The following MDGA2 variants were observed in gnomAD, a reference collection of about 807,000 sequenced individuals.
The protein encoded by MDGA2 is MAM domain containing glycosylphosphatidylinositol anchor 2, also known as MAM domain-containing glycosylphosphatidylinositol anchor protein 2.
MDGA2 carries 40 observed loss-of-function variants against 117.8 expected under a neutral mutation model. The ratio of observed to expected loss-of-function variants is 0.34; its 90% confidence interval spans 0.26 to 0.44. MDGA2 has a LOEUF of 0.44. Among genes scored for constraint, MDGA2 ranks in the 20% least tolerant of loss-of-function variants. The pLI, the probability that MDGA2 is intolerant of heterozygous loss-of-function variation, is 1.00. For missense variants in MDGA2, 1,123 were observed against 1,250.6 expected, an observed-to-expected ratio of 0.90 and a Z score of 1.54; for synonymous variants, 452 against 439.0, an observed-to-expected ratio of 1.03 and a Z score of -0.37.
At chr14:47,078,440 T>TA (rs971482379) in intron 6 of MDGA2, among the ~76,000 whole-genome samples, 3 of 152,010 alleles carry the variant, frequency 2.0e-5, no homozygotes, top group African/African-American at 7.2e-5. Context: ...CAGCCTCCCA[T>TA]AAAAAACATG....
intron 7 of MDGA2, among the ~76,000 whole-genome samples, chr14:47,057,351 T>C (rs1228967896): frequency 6.7e-6 from 1 of 149,192 alleles, no homozygotes; most frequent in Admixed American, 6.6e-5. Context: ...TAATCTGTCT[T>C]GATGATTTAG....
At chr14:47,322,627 C>G (rs535451895) in intron 1 of MDGA2, among the ~76,000 whole-genome samples, 1 of 152,192 alleles carries the variant, frequency 6.6e-6, no homozygotes, top group Non-Finnish European at 1.5e-5. Context: ...GCAACCTGCA[C>G]GTAAGTAACG....
chr14:47,472,048 T>C (rs774942953), intron 1 of MDGA2, among the ~76,000 whole-genome samples: 6 of 152,160 alleles, frequency 3.9e-5, no homozygotes, highest in Non-Finnish European at 8.8e-5. Context: ...ATTCTTTTTC[T>C]TCCTTTTAAT....
rs75024715 is a variant in MDGA2 at position 47,611,862 on chromosome 14, C to T, written c.280+62655G>A. On this transcript the variant is annotated intron_variant, in intron 1 of 16. Coordinates refer to ENST00000399232, the MANE Select transcript of MDGA2 (RefSeq NM_001113498.3). ...AGCACTTTATTGGCCAACAGTATAA[C>T]ATAACACATCAAAAAGCAATTATGG... 4.2e-4 allele frequency among the ~76,000 whole-genome samples: 64 copies of T among 152,216 alleles called. No individual in the cohort carries two copies. The East Asian group carries it at 0.011, about 26-fold the overall frequency.
At chr14:46,993,192 T>G (rs545441306) in intron 8 of MDGA2, among the ~76,000 whole-genome samples, 1 of 152,166 alleles carries the variant, frequency 6.6e-6, no homozygotes. Flanking sequence ...ATGCTTTTAA[T>G]AAAATAGCAT....
intron 1 of MDGA2, among the ~76,000 whole-genome samples, chr14:47,673,212 C>A (rs933517418): frequency 6.6e-6 from 1 of 152,132 alleles, no homozygotes; most frequent in Non-Finnish European, 1.5e-5. Context: ...AGCATTCATC[C>A]CCAAACACCC....
intron 5 of MDGA2, among the ~76,000 whole-genome samples, chr14:47,131,111 C>T (rs1882184990): frequency 6.6e-6 from 1 of 151,918 alleles, no homozygotes; most frequent in African/African-American, 2.4e-5. Context: ...TCTTTATGCA[C>T]ATTCATACAA....
intron 2 of MDGA2, among the ~76,000 whole-genome samples, chr14:47,292,210 C>T (rs1594777040): frequency 1.3e-5 from 2 of 152,168 alleles, no homozygotes; most frequent in Admixed American, 6.5e-5. Flanking sequence ...AAAGCTTTGA[C>T]GGTAGCATAT....
intron 1 of MDGA2, among the ~76,000 whole-genome samples, chr14:47,545,388 A>G (rs182638238): frequency 1.3e-5 from 2 of 152,340 alleles, no homozygotes; most frequent in African/African-American, 2.4e-5. Flanking sequence ...ATTTGGTTTG[A>G]AAACATCTCA....
At chr14:47,332,598 T>C (rs370200271) in intron 1 of MDGA2, among the ~76,000 whole-genome samples, 9 of 152,022 alleles carry the variant, frequency 5.9e-5, no homozygotes, top group African/African-American at 2.2e-4. Flanking sequence ...TCACTGTTAA[T>C]GTAAAACATC....
At chr14:47,123,789 T>C (rs896312351) in intron 5 of MDGA2, among the ~76,000 whole-genome samples, 14 of 152,174 alleles carry the variant, frequency 9.2e-5, no homozygotes, top group African/African-American at 3.1e-4. Context: ...ATTGAAGCTA[T>C]ACCCTGTAGG....
At chr14:46,864,572 T>TTA (rs1881660333) in intron 14 of MDGA2, among the ~76,000 whole-genome samples, 1 of 89,436 alleles carries the variant, frequency 1.1e-5, no homozygotes, top group Non-Finnish European at 2.3e-5. Flanking sequence ...TTTTTTTTTT[T>TTA]ACAAATTAAA....
chr14:47,432,134 C>T (rs964690554), intron 1 of MDGA2, among the ~76,000 whole-genome samples: 5 of 141,954 alleles, frequency 3.5e-5, no homozygotes, highest in Non-Finnish European at 6.4e-5. Context: ...ATATCAAGCT[C>T]TGATTGTTTT....
chr14:47,478,344 T>C (rs1351855146), intron 1 of MDGA2, among the ~76,000 whole-genome samples: 1 of 151,384 alleles, frequency 6.6e-6, no homozygotes, highest in African/African-American at 2.4e-5. Context: ...TTGTATTCCA[T>C]GATATTTTTA....
chr14:46,921,002 C>T (rs145046713), intron 9 of MDGA2, among the ~76,000 whole-genome samples: 27 of 152,162 alleles, frequency 1.8e-4, no homozygotes, highest in African/African-American at 6.0e-4. Context: ...TTCTTAATTG[C>T]CAAAATGAAA....
At chr14:47,491,586 G>A (rs1894170746) in intron 1 of MDGA2, among the ~76,000 whole-genome samples, 1 of 152,024 alleles carries the variant, frequency 6.6e-6, no homozygotes, top group Non-Finnish European at 1.5e-5. Context: ...AAACCATGAA[G>A]ATCAAAATGG....
chr14:47,257,530 G>C (rs1484544639), intron 2 of MDGA2, among the ~76,000 whole-genome samples: 9 of 152,086 alleles, frequency 5.9e-5, no homozygotes, highest in African/African-American at 1.2e-4. Context: ...CCCCTCATTA[G>C]AATGTTCATG....
intron 1 of MDGA2, among the ~76,000 whole-genome samples, chr14:47,412,489 C>T (rs557785738): frequency 5.9e-5 from 9 of 152,190 alleles, no homozygotes; most frequent in African/African-American, 2.2e-4. Context: ...ACTATTTTGC[C>T]CAGGTGGGTC....
At chr14:47,208,570 T>A (rs1885771945) in intron 3 of MDGA2, among the ~76,000 whole-genome samples, 1 of 150,598 alleles carries the variant, frequency 6.6e-6, no homozygotes, top group Non-Finnish European at 1.5e-5. Context: ...CAATACAGAG[T>A]TGACGGTAGC....
Sources: allele counts gnomAD v4.1 joint callset (sites outside exome capture counted in the v4.1 genomes callset), GRCh38; gene constraint gnomAD v4.1.1; transcripts MANE v1.5; gene names NCBI Gene and HGNC (gene_info 2026-07-23, HGNC 2026-07-21).